AAK1: variants seen among roughly 807,000 people sequenced by gnomAD.
The protein encoded by AAK1 is AP2 associated kinase 1.
AAK1 carries 37 observed loss-of-function variants against 116.0 expected under a neutral mutation model. The observed-to-expected ratio is 0.32, with a 90% confidence interval of 0.25 to 0.42. AAK1 has a LOEUF of 0.42. AAK1 is among the 10% of genes least tolerant of loss of function. The pLI is 1.00. For synonymous variants in AAK1, 458 were observed against 439.9 expected (o/e 1.04, Z -0.51); for missense variants, 919 against 1,170.6 (o/e 0.79, Z 3.14).
At chr2:69,521,764 C>G (rs1057434549) in intron 10 of AAK1, among the ~76,000 whole-genome samples, 1 of 152,184 alleles carries the variant, frequency 6.6e-6, no homozygotes, top group African/African-American at 2.4e-5. Flanking sequence ...ATAACTGGTT[C>G]AAGTCCTCTG....
At chr2:69,513,042 T>A (rs1676450523) in intron 13 of AAK1, among the ~76,000 whole-genome samples, 1 of 152,170 alleles carries the variant, frequency 6.6e-6, no homozygotes, top group Non-Finnish European at 1.5e-5. Flanking sequence ...ATAATTAAGG[T>A]CCCTTCTAGC....
chr2:69,481,163 T>A (rs1364353812), intron 18 of AAK1: 1 of 413,010 alleles, frequency 2.4e-6, no homozygotes, highest in Non-Finnish European at 4.4e-6. Context: ...CACCCAGCCA[T>A]GTGAAGACTT....
intron 8 of AAK1, 137 bp downstream of exon 8, chr2:69,529,871 G>C (rs1670181685): frequency 2.4e-6 from 2 of 835,002 alleles, no homozygotes; most frequent in South Asian, 4.1e-5. Flanking sequence ...CATTGTCTTT[G>C]AGTTCCCAAT....
intron 2 of AAK1, among the ~76,000 whole-genome samples, chr2:69,564,164 C>T (rs1671768281): frequency 6.6e-6 from 1 of 151,596 alleles, no homozygotes; most frequent in African/African-American, 2.4e-5. Context: ...TGCACTCCAG[C>T]CTGAGTGACA....
intron 2 of AAK1, among the ~76,000 whole-genome samples, chr2:69,624,260 C>T (rs970082818): frequency 5.9e-5 from 9 of 152,124 alleles, no homozygotes; most frequent in Non-Finnish European, 2.9e-5. Flanking sequence ...AGAACAAGTA[C>T]TCAAAGGCTT....
At chr2:69,642,770 G>T in intron 2 of AAK1, 108 bp downstream of exon 2, 1 of 1,448,378 alleles carries the variant, frequency 6.9e-7, no homozygotes, top group Non-Finnish European at 9.5e-7. Flanking sequence ...GAAGGGGGAA[G>T]GGAGGGTCAA....
At chr2:69,581,548 C>G (rs116969112) in intron 2 of AAK1, among the ~76,000 whole-genome samples, 2 of 152,040 alleles carry the variant, frequency 1.3e-5, no homozygotes, top group Non-Finnish European at 2.9e-5. Context: ...GCCCACCTGC[C>G]GAGTGTCAAA....
rs143409474 is a variant in AAK1 at position 69,468,819 on chromosome 2, G to A, written c.*7050C>T. ...ATATTCAGGGTTGGAGAGGATGGAA[G>A]AACATGTCTAACCCATCAAAATTAT... On this transcript the variant is annotated 3_prime_UTR_variant, in exon 22 of 22. Coordinates refer to ENST00000409085, the MANE Select transcript of AAK1 (RefSeq NM_014911.5). 2 of 985,268 alleles carry A rather than the reference G, an allele frequency of 2.0e-6. No individual in the cohort carries two copies. The highest frequency in any genetic ancestry group is 6.2e-5 in the Admixed American group (1 of 16,260). The allele number at this position is 985,268 out of a possible 1,614,324, so 61.0% of individuals were successfully genotyped here. A position where few individuals can be genotyped will look rare whatever the true frequency, so the allele number is the denominator to read the frequency against.
intron 2 of AAK1, among the ~76,000 whole-genome samples, chr2:69,599,522 T>G (rs1214888902): frequency 6.6e-6 from 1 of 152,210 alleles, no homozygotes; most frequent in Non-Finnish European, 1.5e-5. Flanking sequence ...TCTGGGTCTG[T>G]AAATGTTATG....
chr2:69,586,720 G>A (rs537431306), intron 2 of AAK1, among the ~76,000 whole-genome samples: 2 of 152,030 alleles, frequency 1.3e-5, no homozygotes, highest in African/African-American at 2.4e-5. Flanking sequence ...GGCCACTCCC[G>A]GGCTCACATT....
At chr2:69,611,557 T>G (rs1674081521) in intron 2 of AAK1, among the ~76,000 whole-genome samples, 1 of 152,244 alleles carries the variant, frequency 6.6e-6, no homozygotes, top group South Asian at 2.1e-4. Context: ...GGACTTTGCC[T>G]TGTAATTTTA....
intron 2 of AAK1, among the ~76,000 whole-genome samples, chr2:69,617,222 C>A (rs1238168546): frequency 1.3e-5 from 2 of 151,858 alleles, no homozygotes; most frequent in African/African-American, 4.8e-5. Context: ...AGGTTGAAAG[C>A]CCCTATCCCT....
At position 69,473,736 on chromosome 2, in the gene AAK1, GA is replaced by G. The variant is rs1236199535; in HGVS notation, c.*2132del. ...CATTATATTTCTAACATGTATATAC[GA>G]AAAAAATCAAATATGAAAACATAGA... On this transcript the variant is annotated 3_prime_UTR_variant, in exon 22 of 22. Transcript: ENST00000409085. 3.1e-6 allele frequency: 3 copies of G among 968,966 alleles called. No individual in the cohort carries two copies. The highest frequency in any genetic ancestry group is 3.5e-5 in the African/African-American group (2 of 56,890). The allele number at this position is 968,966 out of a possible 1,614,324, so 60.0% of individuals were successfully genotyped here.
rs751361326 is a variant in AAK1 at position 69,598,172 on chromosome 2, A to C, written c.164-41194T>G. 394 of 1,011,082 alleles carry C rather than the reference A, an allele frequency of 3.9e-4. 1 individual carries two copies. The highest frequency in any genetic ancestry group is 5.0e-4 in the Non-Finnish European group (376 of 755,808). The allele number at this position is 1,011,082 out of a possible 1,614,324, so 62.6% of individuals were successfully genotyped here. A position where few individuals can be genotyped will look rare whatever the true frequency, so the allele number is the denominator to read the frequency against. On this transcript the variant is annotated intron_variant, in intron 2 of 21. Transcript: ENST00000409085. ...TGAGTTTTGCCCCAATGCCAAGTAC[A>C]TCATGAATACAGACACTGATGTTTC...
chr2:69,587,368 TAC>T (rs1199648177), intron 2 of AAK1, among the ~76,000 whole-genome samples: 32 of 103,238 alleles, frequency 3.1e-4, no homozygotes, highest in East Asian at 9.2e-4. Context: ...CATATGCGTG[TAC>T]ACACACATAT....
At chr2:69,639,632 C>T (rs1391696878) in intron 2 of AAK1, among the ~76,000 whole-genome samples, 1 of 152,112 alleles carries the variant, frequency 6.6e-6, no homozygotes, top group Non-Finnish European at 1.5e-5. Context: ...TCTTGCAATT[C>T]CTTATGAAAA....
At position 69,470,565 on chromosome 2, in the gene AAK1, G is replaced by T. The variant is rs147067373; in HGVS notation, c.*5304C>A. The stretch of plus-strand genomic sequence containing the variant: ...TAAATGAGTGAGTTTTCTCACTGGG[G>T]ATAAAATTATTCTTGCCAACACAAA... On this transcript the variant is annotated 3_prime_UTR_variant, in exon 22 of 22. Transcript: ENST00000409085. 3.0e-6 allele frequency: 3 copies of T among 985,422 alleles called. No individual in the cohort carries two copies. The East Asian group carries it at 3.4e-4, about 112-fold the overall frequency. 61.0% of individuals were successfully genotyped at this position (985,422 alleles called of 1,614,324 possible).
chr2:69,626,178 CT>C (rs755797329), intron 2 of AAK1, among the ~76,000 whole-genome samples: 43 of 152,100 alleles, frequency 2.8e-4, no homozygotes, highest in Non-Finnish European at 5.4e-4. Flanking sequence ...ACCTCTTCCT[CT>C]CTTTGATTGC....
rs1674269453 is a variant in AAK1 at position 69,458,706 on chromosome 2, A to AACACACACACAC, written c.*17162_*17163insGTGTGTGTGTGT. The AACACACACACAC allele has an allele frequency of 6.9e-6, 1 of 144,062 alleles. No individual in the cohort carries two copies. Among genetic ancestry groups the AACACACACACAC allele is most frequent in the Non-Finnish European group, 1.6e-5 (1 of 64,272 alleles). The allele number at this position is 144,062 out of a possible 1,614,324, so 8.9% of individuals were successfully genotyped here. A position where few individuals can be genotyped will look rare whatever the true frequency, so the allele number is the denominator to read the frequency against. On this transcript the variant is annotated 3_prime_UTR_variant, in exon 22 of 22. Transcript: ENST00000409085. The stretch of plus-strand genomic sequence containing the variant: ...ATGGAAGAAAGCATGAAGATGAATG[A>AACACACACACAC]GCACACACACACACACACACACCCC...
Sources: gnomAD v4.1 joint callset for allele counts (sites outside exome capture counted in the v4.1 genomes callset) on GRCh38, gnomAD v4.1.1 for gene constraint, MANE v1.5 for transcripts, NCBI Gene and HGNC (gene_info 2026-07-23, HGNC 2026-07-21) for gene names.